PDE11A: variants seen among roughly 807,000 people sequenced by gnomAD.
PDE11A encodes phosphodiesterase 11A.
PDE11A carries 100 observed loss-of-function variants against 100.5 expected under a neutral mutation model. The ratio of observed to expected loss-of-function variants is 1.00; its 90% CI spans 0.85 to 1.18. The LOEUF is 1.18. Among genes scored for constraint, PDE11A ranks in the 50% most tolerant of loss-of-function variants. The pLI is 0.00. For synonymous variants in PDE11A, 381 were observed against 420.8 expected, an observed-to-expected ratio of 0.91 and a Z score of 1.16; for missense variants, 1,141 against 1,152.6, an observed-to-expected ratio of 0.99 and a Z score of 0.15.
At position 177,631,534 on chromosome 2, in the gene PDE11A, T is replaced by TG. The variant is rs2079933918; in HGVS notation, c.2647-1973_2647-1972insC. Among the ~76,000 whole-genome samples, 2 of 22,648 alleles carry TG rather than the reference T, an allele frequency of 8.8e-5. 1 individual carries two copies. The highest frequency in any genetic ancestry group is 1.7e-4 in the Non-Finnish European group (2 of 12,052). The allele number at this position is 22,648 out of a possible 152,430, so 14.9% of individuals were successfully genotyped here. On this transcript the variant is annotated intron_variant, in intron 19 of 19. Transcript: ENST00000286063. ...AAAAATATATATATATATATATATA[T>TG]ATATATATATATACACATGTATATA...
chr2:177,674,354 C>A (rs2080735313), intron 17 of PDE11A, among the ~76,000 whole-genome samples: 1 of 152,206 alleles, frequency 6.6e-6, no homozygotes, highest in African/African-American at 2.4e-5. Context: ...TACATCAGTT[C>A]ACTGGGCAGA....
At chr2:177,772,118 C>CT (rs897499182) in intron 9 of PDE11A, among the ~76,000 whole-genome samples, 31 of 151,992 alleles carry the variant, frequency 2.0e-4, no homozygotes, top group African/African-American at 5.8e-4. Flanking sequence ...CCATTGTAGA[C>CT]TTTTTTTTAC....
At chr2:177,751,128 G>GA (rs5836625) in intron 10 of PDE11A, among the ~76,000 whole-genome samples, 102,618 of 144,278 alleles carry the variant, frequency 0.71, 37,212 homozygotes, top group East Asian at 0.85. Context: ...TAGTGAGTAA[G>GA]AAAAAAAAAA....
At chr2:177,883,114 C>T (rs1182603803) in intron 4 of PDE11A, among the ~76,000 whole-genome samples, 1 of 151,798 alleles carries the variant, frequency 6.6e-6, no homozygotes, top group Non-Finnish European at 1.5e-5. Flanking sequence ...ATTAAAAATA[C>T]AAAAATTAGC....
chr2:178,066,649 T>C (rs1176045775), intron 1 of PDE11A, among the ~76,000 whole-genome samples: 1 of 152,158 alleles, frequency 6.6e-6, no homozygotes, highest in Non-Finnish European at 1.5e-5. Flanking sequence ...CACTCTGCTC[T>C]TAGATGGGGT....
chr2:177,867,249 C>T (rs1012935787), intron 5 of PDE11A, among the ~76,000 whole-genome samples: 19 of 152,134 alleles, frequency 1.2e-4, no homozygotes, highest in Admixed American at 6.6e-5. Context: ...AAAGTAGGAA[C>T]AGAATTTCTG....
chr2:178,083,496 T>C (rs1020541907), intron 2 of PDE11A, among the ~76,000 whole-genome samples: 1 of 152,140 alleles, frequency 6.6e-6, no homozygotes, highest in African/African-American at 2.4e-5. Context: ...AAAGTACTGC[T>C]CAGAAAAATG....
chr2:177,696,590 G>A (rs989162992), intron 15 of PDE11A, among the ~76,000 whole-genome samples: 2 of 152,080 alleles, frequency 1.3e-5, no homozygotes, highest in African/African-American at 4.8e-5. Flanking sequence ...TGCTCTTCAC[G>A]GTGTAAATGG....
At chr2:177,724,036 G>T (rs561962480) in intron 12 of PDE11A, among the ~76,000 whole-genome samples, 15 of 152,108 alleles carry the variant, frequency 9.9e-5, no homozygotes, top group Non-Finnish European at 2.2e-4. Context: ...TATTAGTAAA[G>T]AAAATTTATA....
intron 9 of PDE11A, among the ~76,000 whole-genome samples, chr2:177,810,288 T>G (rs2082930419): frequency 6.6e-6 from 1 of 152,200 alleles, no homozygotes; most frequent in South Asian, 2.1e-4. Flanking sequence ...CATATACTTT[T>G]ATTGAGTACC....
chr2:177,973,073 G>T (rs2085792935), intron 2 of PDE11A, among the ~76,000 whole-genome samples: 1 of 152,132 alleles, frequency 6.6e-6, no homozygotes, highest in South Asian at 2.1e-4. Context: ...AAATGGCTGA[G>T]GGAGGAGGAG....
chr2:177,663,890 A>C lies in PDE11A; in HGVS notation c.2622T>G (p.Asp874Glu). ...CCTGATACAAAGGCATGCAGATGCT[A>C]TCAATCCACTCCAGTTGCAACCGAG... ...ELPRLQLEWI[D>E]SICMPLYQAL... The change falls in exon 19 of 20, where the codon GAT (aspartate) becomes GAG (glutamate). Residue 874 changes from aspartate (D) to glutamate (E), a missense_variant. Transcript: ENST00000286063. The C allele has an allele frequency of 6.2e-7, 1 of 1,606,110 alleles. No individual in the cohort carries two copies. The highest frequency in any genetic ancestry group is 1.7e-5 in the Admixed American group (1 of 60,018).
intron 5 of PDE11A, among the ~76,000 whole-genome samples, chr2:177,853,635 C>CATAT (rs371434526): frequency 1.5e-3 from 55 of 36,182 alleles, no homozygotes; most frequent in Middle Eastern, 0.023. Flanking sequence ...ACAAGTCCTG[C>CATAT]ATATATATAT....
At chr2:178,091,052 T>C (rs924958576) in intron 2 of PDE11A, among the ~76,000 whole-genome samples, 2 of 152,160 alleles carry the variant, frequency 1.3e-5, no homozygotes, top group African/African-American at 4.8e-5. Flanking sequence ...ATAGAAGGTA[T>C]ATGCTAATAT....
At chr2:177,680,087 C>G (rs942638379) in intron 16 of PDE11A, among the ~76,000 whole-genome samples, 1 of 152,058 alleles carries the variant, frequency 6.6e-6, no homozygotes, top group Non-Finnish European at 1.5e-5. Flanking sequence ...AGGACTATGT[C>G]AAGGTTTCCG....
chr2:177,733,902 A>G (rs2081731395), intron 10 of PDE11A, among the ~76,000 whole-genome samples: 1 of 152,196 alleles, frequency 6.6e-6, no homozygotes, highest in African/African-American at 2.4e-5. Flanking sequence ...TGATGAGGCA[A>G]CTGAAATAAA....
intron 12 of PDE11A, among the ~76,000 whole-genome samples, chr2:177,720,501 C>T (rs760752098): frequency 2.6e-5 from 4 of 152,232 alleles, no homozygotes; most frequent in Non-Finnish European, 5.9e-5. Context: ...TCGGCATTTA[C>T]AGTAAAGTTT....
chr2:177,813,766 T>G (rs558829649), intron 9 of PDE11A, among the ~76,000 whole-genome samples: 42 of 152,044 alleles, frequency 2.8e-4, no homozygotes, highest in Admixed American at 7.2e-4. Flanking sequence ...AAGGAAAAGA[T>G]TCTAGGGTGG....
At chr2:177,910,257 T>G (rs1271771532) in intron 2 of PDE11A, among the ~76,000 whole-genome samples, 2 of 152,186 alleles carry the variant, frequency 1.3e-5, no homozygotes, top group Non-Finnish European at 2.9e-5. Context: ...GTATGATCTA[T>G]GGAGTTTCTA....
Sources: gnomAD v4.1 joint callset for allele counts (sites outside exome capture counted in the v4.1 genomes callset) on GRCh38, gnomAD v4.1.1 for gene constraint, MANE v1.5 for transcripts, NCBI Gene and HGNC (gene_info 2026-07-23, HGNC 2026-07-21) for gene names.